The following NAGS variants were observed in gnomAD, a reference collection of about 807,000 sequenced individuals.
NAGS encodes the protein N-acetylglutamate synthase, mitochondrial.
In NAGS, 34 loss-of-function variants were observed where a neutral mutation model predicts 46.9. That is an observed-to-expected ratio of 0.72 (90% CI 0.55 to 0.97). NAGS has a LOEUF of 0.97. Ranked by LOEUF, NAGS falls within the 50% of genes least tolerant of loss-of-function variation. The pLI is 0.00. For synonymous variants in NAGS, 334 were observed against 346.3 expected, an observed-to-expected ratio of 0.96 and a Z score of 0.39; for missense variants, 665 against 747.0, an observed-to-expected ratio of 0.89 and a Z score of 1.28.
In NAGS at chr17:44,008,681, C is replaced by A; in HGVS notation, c.*80C>A. 2 of 1,582,744 alleles carry A rather than the reference C, an allele frequency of 1.3e-6. No individual in the cohort carries two copies. Among genetic ancestry groups the A allele is most frequent in the South Asian group, 2.2e-5 (2 of 90,340 alleles). ...GCCAGCTGGGCATGACCCCAGGCAG[C>A]CAGCCACAGGCTGAAGGGGGCTTGT... is the stretch of plus-strand genomic sequence containing the variant. On this transcript the variant is annotated 3_prime_UTR_variant, in exon 7 of 7. Transcript: ENST00000293404.
Position 44,007,955 on chromosome 17 carries a change from C to T in NAGS, c.1451+182C>T, listed in dbSNP as rs946202156. Among the ~76,000 whole-genome samples, 2 of 152,136 alleles carry T rather than the reference C, an allele frequency of 1.3e-5. No homozygotes were observed. Among genetic ancestry groups the T allele is most frequent in the Admixed American group, 1.3e-4 (2 of 15,280 alleles). On this transcript the variant is annotated intron_variant, in intron 6 of 6. Transcript: ENST00000293404. This position sits in a 1 kb window ranked among gnomAD's most constrained non-coding sequence, Gnocchi z 5.1. The stretch of plus-strand genomic sequence containing the variant: ...CCGAGTTAAAGCATGCTTAACACTC[C>T]TTTTCTGGCAGCAAGTGACACCTCC...
In NAGS at chr17:44,005,780, G is replaced by A. The variant is rs755257734; in HGVS notation, c.570G>A (p.Trp190Ter). ...PTAPSGCLSFWEAKAQLAKSC... is the reference protein window; with the variant it reads ...PTAPSGCLSF ...CTCCCTCGGGCTGTCTTTCCTTCTG[G>A]GAGGCCAAGGCGCAGCTGGCCAAGA... Residue 190 changes from tryptophan (W) to a stop codon, truncating the protein, a stop_gained, in exon 2 of 7, where the codon TGG becomes TGA. Coordinates refer to ENST00000293404, the MANE Select transcript of NAGS (RefSeq NM_153006.3). LOFTEE classifies it high-confidence loss of function. This position sits in a 1 kb window ranked among gnomAD's most constrained non-coding sequence, Gnocchi z 7.2. The A allele has an allele frequency of 6.3e-7, 1 of 1,590,828 alleles. No individual in the cohort carries two copies.
chr17:44,006,476 G>A lies in NAGS; in HGVS notation c.916-53G>A. 1 of 1,545,262 alleles carries A rather than the reference G, an allele frequency of 6.5e-7. No individual in the cohort carries two copies. Reference sequence around the variant, plus strand: ...GAAAAGAGAGGTCCGTGGGGGTAGGGGGGCAGTCCGTGCCGGCTGTGGGCC... The same window carrying A: ...GAAAAGAGAGGTCCGTGGGGGTAGGAGGGCAGTCCGTGCCGGCTGTGGGCC... On this transcript the variant is annotated intron_variant, in intron 3 of 6. Transcript: ENST00000293404. The surrounding 1 kb of genome is among the most constrained non-coding windows in gnomAD (Gnocchi z 4.8).
chr17:44,008,876 G>A lies in NAGS; in HGVS notation c.*275G>A, dbSNP rs2049127649. 6 of 533,444 alleles carry A rather than the reference G, an allele frequency of 1.1e-5. No individual in the cohort carries two copies. The South Asian group carries it at 1.2e-4, about 11-fold the overall frequency. 33.0% of individuals were successfully genotyped at this position (533,444 alleles called of 1,614,324 possible). A position where few individuals can be genotyped will look rare whatever the true frequency, so the allele number is the denominator to read the frequency against. ...TCAACCTGGGGATTAGGGGAGGGGA[G>A]GGTGCCTTCCAGGGCTCTACTCAGG... On this transcript the variant is annotated 3_prime_UTR_variant, in exon 7 of 7. Transcript: ENST00000293404.
At position 44,007,311 on chromosome 17, in the gene NAGS, ATCC is replaced by A. The variant is rs1162063479; in HGVS notation, c.1097-5_1097-3del. ...CCTCCAGCCAGACTAGCCCCTCCCC[ATCC>A]TCCTCCAGGGTCCGGGACCCTGTTC... On this transcript the variant is annotated splice_polypyrimidine_tract_variant and intron_variant, in intron 4 of 6. Transcript: ENST00000293404. The surrounding 1 kb of genome is among the most constrained non-coding windows in gnomAD (Gnocchi z 5.1). The A allele has an allele frequency of 6.2e-7, 1 of 1,613,316 alleles. No homozygotes were observed. Among genetic ancestry groups the A allele is most frequent in the African/African-American group, 1.3e-5 (1 of 74,976 alleles).
In NAGS at chr17:44,008,709, G is replaced by A; in HGVS notation, c.*108G>A. 1 of 1,456,320 alleles carries A rather than the reference G, an allele frequency of 6.9e-7. No individual in the cohort carries two copies. Among genetic ancestry groups the A allele is most frequent in the Admixed American group, 1.7e-5 (1 of 58,622 alleles). The allele number at this position is 1,456,320 out of a possible 1,614,324, so 90.2% of individuals were successfully genotyped here. ...GCCACAGGCTGAAGGGGGCTTGTTG[G>A]CTGAGTGATCTGCAGAGGAGAAAGC... On this transcript the variant is annotated 3_prime_UTR_variant, in exon 7 of 7. Transcript: ENST00000293404.
At chr17:44,008,334 G>C in intron 6 of NAGS, 114 bp from the exon 7 acceptor site, 1 of 1,261,042 alleles carries the variant, frequency 7.9e-7, no homozygotes, top group South Asian at 1.2e-5. Context: ...GACCAAGCTG[G>C]GTGCCCAGCA....
chr17:44,006,816 A>C lies in NAGS; in HGVS notation c.1096+107A>C. ...GCTTCTCCTCCTGTCCAGGAGCCGT[A>C]GGGGGAGGCGGGGGGTGTCACAGCA... On this transcript the variant is annotated intron_variant, in intron 4 of 6. Transcript: ENST00000293404. The surrounding 1 kb of genome is among the most constrained non-coding windows in gnomAD (Gnocchi z 4.8). 1.6e-6 allele frequency: 2 copies of C among 1,237,884 alleles called. No individual in the cohort carries two copies. Among genetic ancestry groups the C allele is most frequent in the Non-Finnish European group, 2.2e-6 (2 of 906,926 alleles). 76.7% of individuals were successfully genotyped at this position (1,237,884 alleles called of 1,614,324 possible). A position where few individuals can be genotyped will look rare whatever the true frequency, so the allele number is the denominator to read the frequency against.
chr17:44,005,633 G>C lies in NAGS; in HGVS notation c.427-4G>C. 3 of 1,610,608 alleles carry C rather than the reference G, an allele frequency of 1.9e-6. No individual in the cohort carries two copies. Among genetic ancestry groups the C allele is most frequent in the Non-Finnish European group, 2.5e-6 (3 of 1,178,874 alleles). On this transcript the variant is annotated splice_polypyrimidine_tract_variant and splice_region_variant and intron_variant, in intron 1 of 6. Transcript: ENST00000293404. This position sits in a 1 kb window ranked among gnomAD's most constrained non-coding sequence, Gnocchi z 7.2. Reference sequence around the variant, plus strand: ...ACGCTCCTTGAAAGCCCACTCCTCCGCAGGTGGACGAGGAGGTGCTCAAGT... The same window carrying C: ...ACGCTCCTTGAAAGCCCACTCCTCCCCAGGTGGACGAGGAGGTGCTCAAGT...
At position 44,006,941 on chromosome 17, in the gene NAGS, A is replaced by C; in HGVS notation, c.1096+232A>C. ...AGGAATTAAAGGAATGGGCGGGACT[A>C]GGGGGGAGAAGGAGGGGCCCCCCGG... On this transcript the variant is annotated intron_variant, in intron 4 of 6. Transcript: ENST00000293404. The surrounding 1 kb of genome is among the most constrained non-coding windows in gnomAD (Gnocchi z 4.8). 4 of 212,230 alleles carry C rather than the reference A, an allele frequency of 1.9e-5. No individual in the cohort carries two copies. Among genetic ancestry groups the C allele is most frequent in the East Asian group, 2.2e-4 (2 of 8,906 alleles). 13.1% of individuals were successfully genotyped at this position (212,230 alleles called of 1,614,324 possible). A position where few individuals can be genotyped will look rare whatever the true frequency, so the allele number is the denominator to read the frequency against.
chr17:44,008,410 C>T lies in NAGS; in HGVS notation c.1452-38C>T, dbSNP rs753390598. 7 of 1,612,866 alleles carry T rather than the reference C, an allele frequency of 4.3e-6. No individual in the cohort carries two copies. In the Admixed American group the frequency reaches 1.0e-4, roughly 23 times the overall value. On this transcript the variant is annotated intron_variant, in intron 6 of 6. Coordinates refer to ENST00000293404, the MANE Select transcript of NAGS (RefSeq NM_153006.3). Reference sequence around the variant, plus strand: ...AGTGAGTAATGAACACTGGCCTTGCCCTAAAAACTGTTTCCTACATCACCT... The same window carrying T: ...AGTGAGTAATGAACACTGGCCTTGCTCTAAAAACTGTTTCCTACATCACCT...
Position 44,004,983 on chromosome 17 carries a change from A to G in NAGS, c.320A>G (p.Gln107Arg). 1 of 1,544,332 alleles carries G rather than the reference A, an allele frequency of 6.5e-7. No individual in the cohort carries two copies. Among genetic ancestry groups the G allele is most frequent in the Non-Finnish European group, 8.7e-7 (1 of 1,150,852 alleles). The change falls in exon 1 of 7, where the codon CAG becomes CGG. Residue 107 changes from glutamine to arginine, a missense_variant. By Grantham distance (43) the Gln-to-Arg change is conservative. Transcript: ENST00000293404. ...CGCTCGCTGGTGCAGCGGGACATCC[A>G]GGCCTTCCTGAACCAGTGCGGGGCC... ...SGRSLVQRDI[Q>R]AFLNQCGASP...
rs946202156 is a variant in NAGS, at chr17:44,007,955, C to G, written c.1451+182C>G. Reference sequence around the variant, plus strand: ...CCGAGTTAAAGCATGCTTAACACTCCTTTTCTGGCAGCAAGTGACACCTCC... The same window carrying G: ...CCGAGTTAAAGCATGCTTAACACTCGTTTTCTGGCAGCAAGTGACACCTCC... On this transcript the variant is annotated intron_variant, in intron 6 of 6. Transcript: ENST00000293404. The surrounding 1 kb of genome is among the most constrained non-coding windows in gnomAD (Gnocchi z 5.1). Among the ~76,000 whole-genome samples the G allele has an allele frequency of 2.0e-5, 3 of 152,136 alleles. No homozygotes were observed. Among genetic ancestry groups the G allele is most frequent in the Non-Finnish European group, 2.9e-5 (2 of 68,006 alleles).
At position 44,005,199 on chromosome 17, in the gene NAGS, A is replaced by C. The variant is rs904365056; in HGVS notation, c.426+110A>C. 2.1e-6 allele frequency: 3 copies of C among 1,457,392 alleles called. No homozygotes were observed. In the African/African-American group the frequency reaches 4.2e-5, roughly 21 times the overall value. The allele number at this position is 1,457,392 out of a possible 1,614,324, so 90.3% of individuals were successfully genotyped here. ...GCGGGCTCTGCGCAGCGGAAGCGGG[A>C]AGGAGCCCGGCAGGGCCCAGACCAG... is the stretch of plus-strand genomic sequence containing the variant. On this transcript the variant is annotated intron_variant, in intron 1 of 6. Coordinates refer to ENST00000293404, the MANE Select transcript of NAGS (RefSeq NM_153006.3). This position sits in a 1 kb window ranked among gnomAD's most constrained non-coding sequence, Gnocchi z 7.2.
In NAGS at chr17:44,008,511, G is replaced by A; in HGVS notation, c.1515G>A (p.Leu505=). The change falls in exon 7 of 7, where the codon CTG becomes CTA. Residue 505 remains leucine (L), a synonymous_variant. Transcript: ENST00000293404. ...AGTGGATCTTCTTCTGGTTTGGCCTGGCTGATATCCGGGACTCCTATGAGT... is the reference window on the plus strand; with the variant it reads ...AGTGGATCTTCTTCTGGTTTGGCCTAGCTGATATCCGGGACTCCTATGAGT... ...NKQWIFFWFG[L]ADIRDSYELV... The A allele has an allele frequency of 6.2e-7, 1 of 1,614,248 alleles. No individual in the cohort carries two copies. The highest frequency in any genetic ancestry group is 8.5e-7 in the Non-Finnish European group (1 of 1,180,044).
At position 44,008,739 on chromosome 17, in the gene NAGS, C is replaced by T; in HGVS notation, c.*138C>T. On this transcript the variant is annotated 3_prime_UTR_variant, in exon 7 of 7. Coordinates refer to ENST00000293404, the MANE Select transcript of NAGS (RefSeq NM_153006.3). The stretch of plus-strand genomic sequence containing the variant: ...GTGATCTGCAGAGGAGAAAGCAGCC[C>T]CAGCTCTGCCCAGAGGAGGCGCTGA... The T allele has an allele frequency of 8.7e-7, 1 of 1,153,220 alleles. No homozygotes were observed. Among genetic ancestry groups the T allele is most frequent in the Non-Finnish European group, 1.3e-6 (1 of 782,842 alleles). 71.4% of individuals were successfully genotyped at this position (1,153,220 alleles called of 1,614,324 possible).
At chr17:44,008,395 G>C in intron 6 of NAGS, 53 bp from the exon 7 acceptor site, 3 of 1,599,800 alleles carry the variant, frequency 1.9e-6, no homozygotes, top group Non-Finnish European at 1.7e-6. Flanking sequence ...AGTGAGTAAT[G>C]AACACTGGCC....
chr17:44,005,229 GC>G lies in NAGS; in HGVS notation c.426+142del. 2 of 1,427,562 alleles carry G rather than the reference GC, an allele frequency of 1.4e-6. No homozygotes were observed. Among genetic ancestry groups the G allele is most frequent in the Non-Finnish European group, 1.8e-6 (2 of 1,091,370 alleles). The allele number at this position is 1,427,562 out of a possible 1,614,324, so 88.4% of individuals were successfully genotyped here. A position where few individuals can be genotyped will look rare whatever the true frequency, so the allele number is the denominator to read the frequency against. On this transcript the variant is annotated intron_variant, in intron 1 of 6. Coordinates refer to ENST00000293404, the MANE Select transcript of NAGS (RefSeq NM_153006.3). This position sits in a 1 kb window ranked among gnomAD's most constrained non-coding sequence, Gnocchi z 7.2. The stretch of plus-strand genomic sequence containing the variant: ...GCCCGGCAGGGCCCAGACCAGCGCC[GC>G]CGGGAATGGGAGAGGCCGTAAGCTC...
Position 44,008,654 on chromosome 17 carries a change from A to C in NAGS, c.*53A>C. On this transcript the variant is annotated 3_prime_UTR_variant, in exon 7 of 7. Transcript: ENST00000293404. Reference sequence around the variant, plus strand: ...GAATGGCCAGGGTGGACCAAAAGCCATGCCAGCTGGGCATGACCCCAGGCA... The same window carrying C: ...GAATGGCCAGGGTGGACCAAAAGCCCTGCCAGCTGGGCATGACCCCAGGCA... The C allele has an allele frequency of 6.2e-7, 1 of 1,611,046 alleles. No homozygotes were observed. Among genetic ancestry groups the C allele is most frequent in the East Asian group, 2.2e-5 (1 of 44,876 alleles).
Sources: allele counts gnomAD v4.1 joint callset (sites outside exome capture counted in the v4.1 genomes callset), GRCh38; gene constraint gnomAD v4.1.1; non-coding constraint Gnocchi (gnomAD v3.1); transcripts MANE v1.5; gene names NCBI Gene and HGNC (gene_info 2026-07-23, HGNC 2026-07-21).